The following LGR6 variants were observed in gnomAD, a reference collection of about 807,000 sequenced individuals.
LGR6 encodes leucine-rich repeat-containing G protein-coupled receptor 6.
A neutral mutation model predicts 69.4 loss-of-function variants in LGR6; 45 were observed. That is an observed-to-expected ratio of 0.65 (90% confidence interval 0.51 to 0.83). The LOEUF (loss-of-function observed/expected upper bound fraction) is 0.83, where lower values mean the gene tolerates loss of function less well. Among genes scored for constraint, LGR6 ranks in the 40% least tolerant of loss-of-function variants. The probability of loss-of-function intolerance (pLI) is 0.00; values close to 1 mark genes in which losing one functional copy is unlikely to be tolerated. For missense variants in LGR6, 1,108 were observed against 1,246.7 expected, an observed-to-expected ratio of 0.89 and a Z score of 1.68; for synonymous variants, 538 against 555.0, an observed-to-expected ratio of 0.97 and a Z score of 0.43.
At chr1:202,222,482 G>C (rs903489908) in intron 1 of LGR6, among the ~76,000 whole-genome samples, 7 of 152,196 alleles carry the variant, frequency 4.6e-5, no homozygotes, top group Non-Finnish European at 8.8e-5. Context: ...GGACAGCTGA[G>C]TGATGAGGCC....
chr1:202,285,793 T>C (rs1342574122), intron 6 of LGR6, among the ~76,000 whole-genome samples: 1 of 152,160 alleles, frequency 6.6e-6, no homozygotes, highest in Non-Finnish European at 1.5e-5. Flanking sequence ...CATAACAAAT[T>C]ATCACAAATT....
intron 4 of LGR6, among the ~76,000 whole-genome samples, chr1:202,244,435 AG>A (rs1291298704): frequency 6.6e-6 from 1 of 152,214 alleles, no homozygotes; most frequent in Admixed American, 6.5e-5. Context: ...TGAGGCCAGA[AG>A]TTCTAAACCA....
intron 4 of LGR6, among the ~76,000 whole-genome samples, chr1:202,242,907 A>G (rs1285514639): frequency 1.3e-5 from 2 of 152,232 alleles, no homozygotes; most frequent in African/African-American, 4.8e-5. Flanking sequence ...AGCACTTTCC[A>G]TGTGCAAGTC....
intron 1 of LGR6, among the ~76,000 whole-genome samples, chr1:202,202,495 CA>C (rs1658872180): frequency 6.6e-6 from 1 of 152,200 alleles, no homozygotes; most frequent in African/African-American, 2.4e-5. Flanking sequence ...TGCAGCCAAG[CA>C]GACATGGGTT....
intron 16 of LGR6, among the ~76,000 whole-genome samples, chr1:202,314,220 A>G (rs1245967003): frequency 6.6e-6 from 1 of 151,384 alleles, no homozygotes; most frequent in Non-Finnish European, 1.5e-5. Flanking sequence ...CTTTACCCCT[A>G]ACAGTCCTTC....
Position 202,204,466 on chromosome 1 carries a change from CACACACACCTCCAA to C in LGR6, c.212+10272_212+10285del, listed in dbSNP as rs1186476756. 6.9e-4 allele frequency among the ~76,000 whole-genome samples: 63 copies of C among 91,814 alleles called. 1 individual carries two copies. Among genetic ancestry groups the C allele is most frequent in the African/African-American group, 2.4e-3 (58 of 24,634 alleles). The allele number at this position is 91,814 out of a possible 152,430, so 60.2% of individuals were successfully genotyped here. On this transcript the variant is annotated intron_variant, in intron 1 of 17. Transcript: ENST00000367278. ...ACACCTCCACACACACACACCTCCACACACACACCTCCAAACACACCTCCACACACACACCTCCA... is the reference window on the plus strand; with the variant it reads ...ACACCTCCACACACACACACCTCCACACACACCTCCACACACACACCTCCA...
intron 4 of LGR6, among the ~76,000 whole-genome samples, chr1:202,255,511 CAG>C (rs1256013646): frequency 3.3e-5 from 5 of 152,212 alleles, no homozygotes; most frequent in Non-Finnish European, 5.9e-5. Context: ...GCTCAGGCTG[CAG>C]AGTCCGTGGA....
chr1:202,220,794 C>T (rs2147939464), intron 1 of LGR6, among the ~76,000 whole-genome samples: 1 of 151,852 alleles, frequency 6.6e-6, no homozygotes, highest in East Asian at 1.9e-4. Flanking sequence ...GGGCTCGGCT[C>T]CTGGCCACTG....
At chr1:202,284,116 G>C (rs750659381) in intron 6 of LGR6, among the ~76,000 whole-genome samples, 1 of 152,016 alleles carries the variant, frequency 6.6e-6, no homozygotes, top group African/African-American at 2.4e-5. Flanking sequence ...AGAACAAATC[G>C]TGCCAACTCC....
At chr1:202,247,436 A>G (rs1486391359) in intron 4 of LGR6, among the ~76,000 whole-genome samples, 1 of 152,206 alleles carries the variant, frequency 6.6e-6, no homozygotes, top group Non-Finnish European at 1.5e-5. Flanking sequence ...AATCATTATC[A>G]GCTGTCCATA....
rs1660693289 is a variant in LGR6 at position 202,227,972 on chromosome 1, A to G, written c.321A>G (p.Gly107=). The G allele has an allele frequency of 3.1e-6, 5 of 1,613,838 alleles. No homozygotes were observed. Among genetic ancestry groups the G allele is most frequent in the South Asian group, 1.1e-5 (1 of 91,082 alleles). The part of the protein sequence containing the change: ...LSGNHLSHIP[G]QAFSGLYSLK... ...GGAACCATCTCTCACACATCCCAGG[A>G]CAAGCATTCTCTGGTCTCTACAGCC... The change falls in exon 3 of 18, where the codon GGA becomes GGG. Residue 107 remains glycine, a synonymous_variant. Coordinates refer to ENST00000367278, the MANE Select transcript of LGR6 (RefSeq NM_001017403.2).
At chr1:202,292,507 A>G (rs1248346012) in intron 6 of LGR6, among the ~76,000 whole-genome samples, 1 of 152,132 alleles carries the variant, frequency 6.6e-6, no homozygotes, top group Non-Finnish European at 1.5e-5. Context: ...GCTTCTTGGG[A>G]GCTTGCCACC....
chr1:202,275,977 A>T (rs370674584), intron 4 of LGR6, among the ~76,000 whole-genome samples: 1 of 152,134 alleles, frequency 6.6e-6, no homozygotes, highest in African/African-American at 2.4e-5. Context: ...ATAGAAACAT[A>T]TGGTGTAGAG....
At chr1:202,203,051 C>A (rs1257943454) in intron 1 of LGR6, among the ~76,000 whole-genome samples, 2 of 152,282 alleles carry the variant, frequency 1.3e-5, no homozygotes, top group South Asian at 4.1e-4. Flanking sequence ...CCATGTAGCA[C>A]CCCCAGCTCA....
intron 6 of LGR6, among the ~76,000 whole-genome samples, chr1:202,289,199 G>A (rs1358324999): frequency 1.3e-5 from 2 of 152,130 alleles, no homozygotes; most frequent in African/African-American, 2.4e-5. Context: ...AAGTGAAGAC[G>A]GGCACTCCAG....
chr1:202,228,040 C>T (rs756961611), intron 3 of LGR6, 33 bp downstream of exon 3: 2 of 1,456,956 alleles, frequency 1.4e-6, no homozygotes, highest in South Asian at 2.3e-5. Flanking sequence ...TTACATAGAG[C>T]TGCAGCACTG....
At position 202,193,880 on chromosome 1, in the gene LGR6, G is replaced by A. The variant is rs1333380624; in HGVS notation, c.-110G>A. 2 of 583,648 alleles carry A rather than the reference G, an allele frequency of 3.4e-6. No homozygotes were observed. Among genetic ancestry groups the A allele is most frequent in the Non-Finnish European group, 4.9e-6 (2 of 411,658 alleles). 36.2% of individuals were successfully genotyped at this position (583,648 alleles called of 1,614,324 possible). ...GCCGCCGCCCAATAGAGCCCCTGGG[G>A]CGGTCCCCACCGACGGTGCAGCCCG... On this transcript the variant is annotated 5_prime_UTR_variant, in exon 1 of 18. Transcript: ENST00000367278.
intron 6 of LGR6, among the ~76,000 whole-genome samples, chr1:202,292,421 C>A (rs899122530): frequency 6.6e-6 from 1 of 152,176 alleles, no homozygotes; most frequent in Non-Finnish European, 1.5e-5. Context: ...AAGTTTATTT[C>A]TGGATCATGT....
intron 1 of LGR6, among the ~76,000 whole-genome samples, chr1:202,202,450 C>T (rs1293323187): frequency 2.0e-5 from 3 of 152,206 alleles, no homozygotes; most frequent in Non-Finnish European, 2.9e-5. Flanking sequence ...GGGCACACAC[C>T]TGGAAGCGCT....
Sources: allele counts gnomAD v4.1 joint callset (sites outside exome capture counted in the v4.1 genomes callset), GRCh38; gene constraint gnomAD v4.1.1; transcripts MANE v1.5; gene names NCBI Gene and HGNC (gene_info 2026-07-23, HGNC 2026-07-21).